The following CSMD1 variants were observed in gnomAD, a reference collection of about 807,000 sequenced individuals.
CSMD1 encodes CUB and sushi domain-containing protein 1.
Under a neutral mutation model 417.5 loss-of-function variants are expected in CSMD1, and 213 were observed. The ratio of observed to expected loss-of-function variants is 0.51; its 90% CI spans 0.46 to 0.57. The LOEUF is 0.57. Among genes scored for constraint, CSMD1 ranks in the 20% least tolerant of loss-of-function variants. CSMD1 has a pLI of 0.00. For missense variants in CSMD1, 6,923 were observed against 4,529.7 expected (o/e 1.53, Z -15.17); for synonymous variants, 2,862 against 1,736.8 (o/e 1.65, Z -16.11).
intron 3 of CSMD1, among the ~76,000 whole-genome samples, chr8:4,034,866 C>T (rs991095836): frequency 1.3e-5 from 2 of 152,150 alleles, no homozygotes; most frequent in Admixed American, 1.3e-4. Flanking sequence ...ACACGGTTAT[C>T]AATGGAAATC....
chr8:3,388,896 T>TAC (rs6150441), intron 17 of CSMD1, among the ~76,000 whole-genome samples: 3,167 of 147,546 alleles, frequency 0.021, 31 homozygotes, highest in Middle Eastern at 0.028. Flanking sequence ...CACACATGCA[T>TAC]ACACACACAC....
At chr8:3,765,690 G>A (rs980031886) in intron 5 of CSMD1, among the ~76,000 whole-genome samples, 4 of 152,202 alleles carry the variant, frequency 2.6e-5, no homozygotes, top group East Asian at 3.9e-4. Flanking sequence ...GTCCTCTCAT[G>A]CCCAGTGGCT....
chr8:3,862,872 T>C (rs1457845762), intron 5 of CSMD1, among the ~76,000 whole-genome samples: 1 of 152,182 alleles, frequency 6.6e-6, no homozygotes, highest in African/African-American at 2.4e-5. Flanking sequence ...TTTTATGCTA[T>C]TATTACTGTG....
At chr8:4,628,421 T>A (rs551928800) in intron 2 of CSMD1, among the ~76,000 whole-genome samples, 3 of 112,232 alleles carry the variant, frequency 2.7e-5, no homozygotes, top group African/African-American at 1.0e-4. Flanking sequence ...TATATATACA[T>A]ATATATACAC....
intron 1 of CSMD1, among the ~76,000 whole-genome samples, chr8:4,741,484 A>G (rs1810601292): frequency 6.6e-6 from 1 of 152,204 alleles, no homozygotes; most frequent in African/African-American, 2.4e-5. Context: ...AAACATACAC[A>G]AATATTATAG....
chr8:4,619,639 C>T (rs958451405), intron 2 of CSMD1, among the ~76,000 whole-genome samples: 1 of 152,120 alleles, frequency 6.6e-6, no homozygotes, highest in Non-Finnish European at 1.5e-5. Flanking sequence ...ACTCTAGCCA[C>T]ATGGGACGTC....
At chr8:3,833,815 C>T (rs1802508722) in intron 5 of CSMD1, among the ~76,000 whole-genome samples, 1 of 152,038 alleles carries the variant, frequency 6.6e-6, no homozygotes, top group Admixed American at 6.6e-5. Flanking sequence ...AAAGATAAAA[C>T]AAAATGGTTA....
chr8:4,563,824 C>T (rs2130622881), intron 2 of CSMD1, among the ~76,000 whole-genome samples: 1 of 152,244 alleles, frequency 6.6e-6, no homozygotes, highest in Middle Eastern at 3.4e-3. Flanking sequence ...CTCAATGTTC[C>T]TAAGTATAAG....
At chr8:3,261,513 A>T (rs1471906522) in intron 26 of CSMD1, among the ~76,000 whole-genome samples, 1 of 152,190 alleles carries the variant, frequency 6.6e-6, no homozygotes, top group Non-Finnish European at 1.5e-5. Context: ...ACTTACAGAA[A>T]AATAAAATAA....
intron 2 of CSMD1, among the ~76,000 whole-genome samples, chr8:4,463,724 G>C (rs1321256045): frequency 2.6e-5 from 4 of 152,140 alleles, no homozygotes; most frequent in African/African-American, 7.2e-5. Flanking sequence ...AAATAAATTA[G>C]TGTTTCCTTT....
chr8:4,149,183 C>T (rs139351423), intron 3 of CSMD1, among the ~76,000 whole-genome samples: 2,498 of 152,128 alleles, frequency 0.016, 35 homozygotes, highest in Non-Finnish European at 0.026. Flanking sequence ...AGGCTGGTCT[C>T]GAACTCCTGA....
chr8:3,079,716 A>C (rs1372393642), intron 49 of CSMD1, among the ~76,000 whole-genome samples: 2 of 152,174 alleles, frequency 1.3e-5, no homozygotes, highest in Non-Finnish European at 2.9e-5. Flanking sequence ...GGCAAACATC[A>C]TGTTTCGGGG....
intron 5 of CSMD1, among the ~76,000 whole-genome samples, chr8:3,912,138 T>C (rs1808503626): frequency 6.6e-6 from 1 of 152,212 alleles, no homozygotes; most frequent in South Asian, 2.1e-4. Flanking sequence ...TCTATTTTTA[T>C]TTAACCTGAT....
At chr8:3,505,508 C>G (rs1438954181) in intron 10 of CSMD1, among the ~76,000 whole-genome samples, 1 of 152,102 alleles carries the variant, frequency 6.6e-6, no homozygotes, top group African/African-American at 2.4e-5. Context: ...CATTATGGCC[C>G]CTGTAAATGA....
intron 5 of CSMD1, among the ~76,000 whole-genome samples, chr8:3,792,111 T>C (rs538255780): frequency 2.6e-4 from 40 of 152,196 alleles, no homozygotes; most frequent in South Asian, 4.2e-4. Flanking sequence ...CTGGGCCAAA[T>C]AGGGAGACCC....
intron 3 of CSMD1, among the ~76,000 whole-genome samples, chr8:4,291,987 A>G (rs191702692): frequency 2.6e-5 from 4 of 152,292 alleles, no homozygotes; most frequent in African/African-American, 9.6e-5. Context: ...TCAGAGTTTG[A>G]GACGCCAGAG....
At chr8:3,478,679 C>G (rs577453950) in intron 11 of CSMD1, among the ~76,000 whole-genome samples, 2 of 152,272 alleles carry the variant, frequency 1.3e-5, no homozygotes, top group South Asian at 4.1e-4. Flanking sequence ...CCAGATGCAA[C>G]TGTGACCCGT....
intron 1 of CSMD1, among the ~76,000 whole-genome samples, chr8:4,795,846 C>G (rs188726390): frequency 5.4e-4 from 82 of 152,202 alleles, no homozygotes; most frequent in Non-Finnish European, 8.5e-4. Flanking sequence ...AAATTAAACA[C>G]AAATGAGCTA....
At chr8:3,626,438 C>A (rs1259036169) in intron 7 of CSMD1, among the ~76,000 whole-genome samples, 2 of 152,054 alleles carry the variant, frequency 1.3e-5, no homozygotes, top group African/African-American at 4.8e-5. Context: ...AGGCCAGCAA[C>A]TTAAAAATGT....
Sources: gnomAD v4.1 joint callset for allele counts (sites outside exome capture counted in the v4.1 genomes callset) on GRCh38, gnomAD v4.1.1 for gene constraint, MANE v1.5 for transcripts, NCBI Gene and HGNC (gene_info 2026-07-23, HGNC 2026-07-21) for gene names.